The following ADGRE1 variants were observed in gnomAD, a reference collection of about 807,000 sequenced individuals.
ADGRE1 encodes EGF-like module receptor 1.
A neutral mutation model predicts 102.7 loss-of-function variants in ADGRE1; 82 were observed. The ratio of observed to expected loss-of-function variants is 0.80; its 90% CI spans 0.67 to 0.96. The LOEUF is 0.96. ADGRE1 is among the 40% of genes least tolerant of loss of function. ADGRE1 has a pLI of 0.00. For synonymous variants in ADGRE1, 398 were observed against 399.6 expected (o/e 1.00, Z 0.05); for missense variants, 1,032 against 1,085.3 (o/e 0.95, Z 0.69).
In ADGRE1 at chr19:6,921,702, G is replaced by GT. The variant is rs34941944; in HGVS notation, c.1621-3dup. On this transcript the variant is annotated splice_polypyrimidine_tract_variant and intron_variant, in intron 13 of 20. Coordinates refer to ENST00000312053, the MANE Select transcript of ADGRE1 (RefSeq NM_001974.5). Reference sequence around the variant, plus strand: ...AAGACCTTTGTTTTTTTGTTTTTTTGTTTTTTTTAGCCAAAGCAGAAGTTT... The same window carrying GT: ...AAGACCTTTGTTTTTTTGTTTTTTTGTTTTTTTTTAGCCAAAGCAGAAGTTT... The GT allele has an allele frequency of 0.23, 355,404 of 1,565,644 alleles. 44,446 individuals are homozygous for GT. Among genetic ancestry groups the GT allele is most frequent in the African/African-American group, 0.51 (36,529 of 71,908 alleles).
In ADGRE1 at chr19:6,940,140, A is replaced by C. The variant is rs1599780990; in HGVS notation, c.*111A>C. The C allele has an allele frequency of 6.9e-6, 9 of 1,296,560 alleles. No individual in the cohort carries two copies. The South Asian group carries it at 1.1e-4, about 16-fold the overall frequency. 80.3% of individuals were successfully genotyped at this position (1,296,560 alleles called of 1,614,324 possible). ...AGCTTAACATGGAAATGAGGATCCC[A>C]CCAGCCCCAGAACCCTCTGGGGAAG... On this transcript the variant is annotated 3_prime_UTR_variant, in exon 21 of 21. Transcript: ENST00000312053.
intron 9 of ADGRE1, among the ~76,000 whole-genome samples, chr19:6,906,841 A>G (rs1430828732): frequency 2.0e-5 from 3 of 151,326 alleles, no homozygotes; most frequent in South Asian, 2.1e-4. Context: ...CTTTAAGCGT[A>G]TGACCCAGCA....
Position 6,940,049 on chromosome 19 carries a change from A to G in ADGRE1, c.*20A>G. On this transcript the variant is annotated 3_prime_UTR_variant, in exon 21 of 21. Transcript: ENST00000312053. ...GGTTAAAGTCCTTTCTTGCTTTCAA[A>G]TATGCTATGGAGCCACAGTTGAGGA... 6.2e-7 allele frequency: 1 copy of G among 1,613,486 alleles called. No individual in the cohort carries two copies. The highest frequency in any genetic ancestry group is 8.5e-7 in the Non-Finnish European group (1 of 1,179,712).
At position 6,896,407 on chromosome 19, in the gene ADGRE1, G is replaced by A. The variant is rs747127715; in HGVS notation, c.104G>A (p.Cys35Tyr). ...TRKPNTKGNN[C>Y]RDSTLCPAYA... ...TTTATACACTGCCTAGGTAATAACT[G>A]TAGAGACAGTACCTTGTGCCCAGCT... The change falls in exon 3 of 21, where the codon TGT becomes TAT. Residue 35 changes from cysteine (C) to tyrosine (Y), a missense_variant. By Grantham distance (194) the Cys-to-Tyr change is radical. Transcript: ENST00000312053. 4 of 1,614,042 alleles carry A rather than the reference G, an allele frequency of 2.5e-6. No individual in the cohort carries two copies. The highest frequency in any genetic ancestry group is 3.4e-6 in the Non-Finnish European group (4 of 1,179,974).
chr19:6,940,346 T>A lies in ADGRE1; in HGVS notation c.*317T>A. The stretch of plus-strand genomic sequence containing the variant: ...GCTACCATTTTGTTTTCTCCTGCCC[T>A]TGTTGGTGCATGGTTCTAAGCATGC... On this transcript the variant is annotated 3_prime_UTR_variant, in exon 21 of 21. Coordinates refer to ENST00000312053, the MANE Select transcript of ADGRE1 (RefSeq NM_001974.5). The A allele has an allele frequency of 4.3e-6, 2 of 466,304 alleles. No homozygotes were observed. The allele number at this position is 466,304 out of a possible 1,614,324, so 28.9% of individuals were successfully genotyped here.
intron 6 of ADGRE1, among the ~76,000 whole-genome samples, 197 bp downstream of exon 6, chr19:6,902,218 G>C (rs415421): frequency 0.33 from 50,272 of 151,950 alleles, 9,164 homozygotes; most frequent in African/African-American, 0.47. Flanking sequence ...ACTGGGGATA[G>C]AGCAGTAAAT....
intron 2 of ADGRE1, chr19:6,895,583 C>G (rs995358603): frequency 1.3e-5 from 2 of 152,224 alleles, no homozygotes; most frequent in Non-Finnish European, 2.9e-5. Flanking sequence ...TCCCCGGCCC[C>G]CTTCCCCAGA....
intron 20 of ADGRE1, 27 bp downstream of exon 20, chr19:6,937,675 T>C: frequency 6.2e-7 from 1 of 1,607,336 alleles, no homozygotes; most frequent in Non-Finnish European, 8.5e-7. Context: ...TCCCTGCAGG[T>C]GCTGGTCGAG....
Position 6,912,236 on chromosome 19 carries a change from A to G in ADGRE1, c.1123-1417A>G, listed in dbSNP as rs948418007. ...TATACACACACCCACATATATAAGCACACACACACACATGCACACACAGTG... is the reference window on the plus strand; with the variant it reads ...TATACACACACCCACATATATAAGCGCACACACACACATGCACACACAGTG... On this transcript the variant is annotated intron_variant, in intron 10 of 20. Transcript: ENST00000312053. 4.6e-5 allele frequency among the ~76,000 whole-genome samples: 7 copies of G among 151,882 alleles called. No homozygotes were observed. In the East Asian group the frequency reaches 5.8e-4, roughly 13 times the overall value.
intron 2 of ADGRE1, among the ~76,000 whole-genome samples, chr19:6,890,887 G>C (rs1039145664): frequency 6.6e-6 from 1 of 152,090 alleles, no homozygotes; most frequent in African/African-American, 2.4e-5. Context: ...AGTGTAGTGA[G>C]AGTAGGGATG....
intron 2 of ADGRE1, among the ~76,000 whole-genome samples, chr19:6,892,618 C>T (rs1175574021): frequency 6.6e-6 from 1 of 152,152 alleles, no homozygotes; most frequent in East Asian, 1.9e-4. Flanking sequence ...TGTTGTGTCC[C>T]TACTCTGCTC....
intron 5 of ADGRE1, among the ~76,000 whole-genome samples, chr19:6,899,871 T>A (rs1243324212): frequency 6.6e-6 from 1 of 151,774 alleles, no homozygotes; most frequent in East Asian, 1.9e-4. Context: ...GGCAGGCAGA[T>A]CATGAGGTCA....
At chr19:6,939,768 A>G (rs1599780527) in intron 20 of ADGRE1, among the ~76,000 whole-genome samples, 1 of 152,164 alleles carries the variant, frequency 6.6e-6, no homozygotes, top group Admixed American at 6.5e-5. Flanking sequence ...TGGGCAAAAA[A>G]TTTTGAACCA....
chr19:6,928,178 G>C lies in ADGRE1; in HGVS notation c.2256G>C (p.Trp752Cys), dbSNP rs759823059. 3 of 1,614,136 alleles carry C rather than the reference G, an allele frequency of 1.9e-6. No individual in the cohort carries two copies. Among genetic ancestry groups the C allele is most frequent in the East Asian group, 2.2e-5 (1 of 44,890 alleles). The stretch of plus-strand genomic sequence containing the variant: ...TGAATACAGAGACAGGGTTCATCTG[G>C]AGTTTCTTGGGGCCAGTTTGCACAG... ...CWLNTETGFI[W>C]SFLGPVCTVI... The change falls in exon 17 of 21, where the codon TGG becomes TGC. Residue 752 changes from tryptophan (W) to cysteine (C), a missense_variant. Trp to Cys is a radical substitution (Grantham distance 215). Coordinates refer to ENST00000312053, the MANE Select transcript of ADGRE1 (RefSeq NM_001974.5).
At chr19:6,929,971 T>TCC (rs1975074229) in intron 17 of ADGRE1, among the ~76,000 whole-genome samples, 1 of 152,132 alleles carries the variant, frequency 6.6e-6, no homozygotes, top group Non-Finnish European at 1.5e-5. Flanking sequence ...ACATGCCTAT[T>TCC]CCCCAGGTAA....
At position 6,919,673 on chromosome 19, in the gene ADGRE1, G is replaced by T. The variant is rs760348057; in HGVS notation, c.1546G>T (p.Val516Phe). ...EIKLKMNSRV[V>F]GGIMTGEKKD... is the part of the protein sequence containing the mutation. ...CAAGCTGAAGATGAATTCTCGAGTC[G>T]TTGGGGGCATAATGACTGGAGAGAA... The change falls in exon 13 of 21, where the codon GTT (valine) becomes TTT (phenylalanine). Residue 516 changes from valine to phenylalanine, a missense_variant. Coordinates refer to ENST00000312053, the MANE Select transcript of ADGRE1 (RefSeq NM_001974.5). 2 of 1,613,478 alleles carry T rather than the reference G, an allele frequency of 1.2e-6. No individual in the cohort carries two copies. Among genetic ancestry groups the T allele is most frequent in the East Asian group, 2.2e-5 (1 of 44,806 alleles).
At chr19:6,912,606 T>A (rs1477980997) in intron 10 of ADGRE1, among the ~76,000 whole-genome samples, 2 of 152,214 alleles carry the variant, frequency 1.3e-5, no homozygotes, top group African/African-American at 4.8e-5. Context: ...TACATGATAC[T>A]CTGTAATTTG....
chr19:6,926,932 A>G (rs252562), intron 16 of ADGRE1, among the ~76,000 whole-genome samples: 152,048 of 152,082 alleles, frequency 1, 76,007 homozygotes, highest in Middle Eastern at 1. Flanking sequence ...GGTGGTGTGC[A>G]CCTGTAATCC....
chr19:6,890,433 T>G (rs896541075), intron 1 of ADGRE1, 48 bp from the exon 2 acceptor site: 2 of 1,204,954 alleles, frequency 1.7e-6, no homozygotes, highest in Non-Finnish European at 2.3e-6. Flanking sequence ...TTTTTTTTTT[T>G]TTTTTTTTTT....
Sources: gnomAD v4.1 joint callset for allele counts (sites outside exome capture counted in the v4.1 genomes callset) on GRCh38, gnomAD v4.1.1 for gene constraint, MANE v1.5 for transcripts, NCBI Gene and HGNC (gene_info 2026-07-23, HGNC 2026-07-21) for gene names.